HACE1: variants seen among roughly 807,000 people sequenced by gnomAD.
HACE1 encodes HECT domain and ankyrin repeat containing E3 ubiquitin protein ligase 1, also known as E3 ubiquitin-protein ligase HACE1.
HACE1 carries 73 observed loss-of-function variants against 118.4 expected under a neutral mutation model. The ratio of observed to expected loss-of-function variants is 0.62; its 90% CI spans 0.51 to 0.75. HACE1 has a LOEUF of 0.75. Ranked by LOEUF, HACE1 falls within the 30% of genes least tolerant of loss-of-function variation. HACE1 has a pLI of 0.00. For synonymous variants in HACE1, 368 were observed against 374.8 expected (o/e 0.98, Z 0.21); for missense variants, 749 against 1,102.2 (o/e 0.68, Z 4.54).
intron 22 of HACE1, among the ~76,000 whole-genome samples, chr6:104,741,029 C>A (rs1265408537): frequency 7.6e-6 from 1 of 131,316 alleles, no homozygotes; most frequent in African/African-American, 3.2e-5. Context: ...TAAATGTAAT[C>A]CAGCACATAA....
intron 14 of HACE1, among the ~76,000 whole-genome samples, chr6:104,778,671 T>C (rs1781450340): frequency 6.6e-6 from 1 of 151,926 alleles, no homozygotes; most frequent in Non-Finnish European, 1.5e-5. Context: ...CGTAGTGGTA[T>C]GCGCCTACAG....
rs544178227 is a variant in HACE1 at position 104,766,137 on chromosome 6, C to T, written c.2211+5056G>A. Among the ~76,000 whole-genome samples, 9 of 152,292 alleles carry T rather than the reference C, an allele frequency of 5.9e-5. 1 individual carries two copies. The highest frequency in any genetic ancestry group is 1.9e-4 in the African/African-American group (8 of 41,566). On this transcript the variant is annotated intron_variant, in intron 19 of 23. Coordinates refer to ENST00000262903, the MANE Select transcript of HACE1 (RefSeq NM_020771.4). ...ACATGAGTAATGCACAAATGCACAT[C>T]GGCCTTGGCCCCACGTGGGGCACAG...
intron 7 of HACE1, among the ~76,000 whole-genome samples, chr6:104,809,909 C>G (rs181014155): frequency 1.3e-5 from 2 of 151,878 alleles, no homozygotes; most frequent in Admixed American, 1.3e-4. Flanking sequence ...CTAATTATTT[C>G]TAATTTAAAC....
At position 104,771,188 on chromosome 6, in the gene HACE1, C is replaced by T; in HGVS notation, c.2211+5G>A. 6.3e-7 allele frequency: 1 copy of T among 1,595,242 alleles called. No individual in the cohort carries two copies. Among genetic ancestry groups the T allele is most frequent in the Non-Finnish European group, 8.6e-7 (1 of 1,162,774 alleles). On this transcript the variant is annotated splice_donor_5th_base_variant and intron_variant, in intron 19 of 23. Transcript: ENST00000262903. ...AATGGTTAAGGTAAAAACTGAAATA[C>T]TCACTTTATTATTTTGTGTCACAAG...
At chr6:104,795,451 C>A in intron 10 of HACE1, 128 bp downstream of exon 10, 1 of 712,254 alleles carries the variant, frequency 1.4e-6, no homozygotes, top group Non-Finnish European at 2.6e-6. Flanking sequence ...ACAAAACAAA[C>A]CAGAAGTCAG....
intron 17 of HACE1, among the ~76,000 whole-genome samples, chr6:104,773,818 G>A (rs1332068581): frequency 6.7e-6 from 1 of 149,946 alleles, no homozygotes; most frequent in Non-Finnish European, 1.5e-5. Context: ...CAGAAAAGGA[G>A]TAACAGTTTT....
chr6:104,730,360 T>C lies in HACE1; in HGVS notation c.2570A>G (p.Asn857Ser), dbSNP rs1349300144. 1 of 1,604,954 alleles carries C rather than the reference T, an allele frequency of 6.2e-7. No individual in the cohort carries two copies. The highest frequency in any genetic ancestry group is 1.3e-5 in the African/African-American group (1 of 74,748). Residue 857 changes from asparagine (N) to serine (S), a missense_variant, in exon 23 of 24, where the codon AAC (asparagine) becomes AGC (serine). Asn to Ser is a conservative substitution (Grantham distance 46, BLOSUM62 1). Around this residue, in one of 5 missense-constraint regions of HACE1, gnomAD observed 165 missense variants for 229.9 expected, o/e 0.72. Transcript: ENST00000262903. ...ANIMGGSGLQ[N>S]FTIAAVPYTP... ...ATATGGCACAGCAGCGATTGTAAAG[T>C]TTTGCAATCCACTTCCACCCATGAT...
chr6:104,770,771 G>A (rs1205524751), intron 19 of HACE1, among the ~76,000 whole-genome samples: 1 of 152,014 alleles, frequency 6.6e-6, no homozygotes, highest in African/African-American at 2.4e-5. Flanking sequence ...ATATCAAAAG[G>A]TCGAACAAAC....
Position 104,743,306 on chromosome 6 carries a change from G to A in HACE1, c.2513+854C>T, listed in dbSNP as rs955792703. Among the ~76,000 whole-genome samples the A allele has an allele frequency of 1.3e-4, 20 of 148,694 alleles. No homozygotes were observed. In the South Asian group the frequency reaches 3.9e-3, roughly 29 times the overall value. ...GTGCACATGTACCCTAAAACTTAAA[G>A]TATAATAATAAAAAAAAATTATATA... On this transcript the variant is annotated intron_variant, in intron 22 of 23. Transcript: ENST00000262903.
intron 4 of HACE1, among the ~76,000 whole-genome samples, chr6:104,843,890 CAG>C (rs1775355370): frequency 6.7e-6 from 1 of 149,186 alleles, no homozygotes; most frequent in Non-Finnish European, 1.5e-5. Context: ...TTTTTTGAGA[CAG>C]AGTCTTGCCA....
chr6:104,852,104 A>G (rs189174650), intron 2 of HACE1, among the ~76,000 whole-genome samples: 1 of 152,362 alleles, frequency 6.6e-6, no homozygotes, highest in East Asian at 1.9e-4. Context: ...TACAGCTCAT[A>G]TAGATCTTGG....
chr6:104,785,610 T>C (rs578127822), intron 11 of HACE1: 1 of 340,500 alleles, frequency 2.9e-6, no homozygotes, highest in African/African-American at 2.1e-5. Context: ...TTTCTTCTTT[T>C]AATTTTCAAA....
intron 22 of HACE1, among the ~76,000 whole-genome samples, chr6:104,742,003 G>A (rs1263645771): frequency 9.3e-5 from 14 of 150,098 alleles, no homozygotes; most frequent in African/African-American, 2.5e-4. Flanking sequence ...CAGAAATAAC[G>A]CCACGTATCT....
Position 104,816,005 on chromosome 6 carries a change from G to A in HACE1, c.535-4612C>T, listed in dbSNP as rs199507541. ...GGAGAATTGCTTGAACCCAGGAGGC[G>A]GAGATTGCAGTGAGCCGAGATCACT... On this transcript the variant is annotated intron_variant, in intron 6 of 23. Transcript: ENST00000262903. Among the ~76,000 whole-genome samples, 13 of 151,868 alleles carry A rather than the reference G, an allele frequency of 8.6e-5. No individual in the cohort carries two copies. The South Asian group carries it at 1.0e-3, about 12-fold the overall frequency.
chr6:104,747,914 G>A (rs889187714), intron 20 of HACE1, among the ~76,000 whole-genome samples: 2 of 151,858 alleles, frequency 1.3e-5, no homozygotes, highest in African/African-American at 4.8e-5. Flanking sequence ...GACAAACTAG[G>A]AACCTGATCT....
chr6:104,731,837 T>C (rs1265031066), intron 22 of HACE1: 2 of 150,016 alleles, frequency 1.3e-5, no homozygotes, highest in East Asian at 1.9e-4. Context: ...TGACACCAAA[T>C]TGATATCCAG....
chr6:104,762,989 C>CAAAAAA (rs56232124), intron 19 of HACE1, among the ~76,000 whole-genome samples: 60 of 31,510 alleles, frequency 1.9e-3, no homozygotes, highest in South Asian at 3.3e-3. Flanking sequence ...GACTCCATCT[C>CAAAAAA]AAAAAAAAAA....
intron 6 of HACE1, among the ~76,000 whole-genome samples, chr6:104,827,135 C>T (rs1454432355): frequency 6.6e-6 from 1 of 152,050 alleles, no homozygotes; most frequent in Non-Finnish European, 1.5e-5. Context: ...ACCACCTGTG[C>T]CCAATACACT....
In HACE1 at chr6:104,850,987, A is replaced by G; in HGVS notation, c.141T>C (p.Ser47=). Residue 47 remains serine, a synonymous_variant, in exon 3 of 24, where the codon TCT becomes TCC. Coordinates refer to ENST00000262903, the MANE Select transcript of HACE1 (RefSeq NM_020771.4). ...MVMADQHRSV[S]ELLSNSKFDV... ...CAAATTTTGAATTTGATAGTAGTTC[A>G]GAAACAGACCTATGCCAAAATAAAA... 6.3e-7 allele frequency: 1 copy of G among 1,588,690 alleles called. No homozygotes were observed. The highest frequency in any genetic ancestry group is 8.6e-7 in the Non-Finnish European group (1 of 1,156,760).
Sources: allele counts gnomAD v4.1 joint callset (sites outside exome capture counted in the v4.1 genomes callset), GRCh38; gene constraint gnomAD v4.1.1; regional missense constraint gnomAD v4.1.1; transcripts MANE v1.5; gene names NCBI Gene and HGNC (gene_info 2026-07-23, HGNC 2026-07-21).